Variants in FAM234A observed in about 807,000 individuals in gnomAD.
FAM234A encodes protein FAM234A.
In FAM234A, 42 loss-of-function variants were observed where a neutral mutation model predicts 49.1. The observed-to-expected ratio is 0.86, with a 90% CI of 0.67 to 1.11. The LOEUF (loss-of-function observed/expected upper bound fraction) is 1.11, where lower values mean the gene tolerates loss of function less well. Ranked by LOEUF, FAM234A falls within the 50% of genes least tolerant of loss-of-function variation. The pLI is 0.00. For missense variants in FAM234A, 815 were observed against 745.2 expected (o/e 1.09, Z -1.09); for synonymous variants, 369 against 316.2 (o/e 1.17, Z -1.77).
chr16:252,802 T>A (rs937562802), intron 2 of FAM234A, among the ~76,000 whole-genome samples: 1 of 152,250 alleles, frequency 6.6e-6, no homozygotes, highest in Non-Finnish European at 1.5e-5. Flanking sequence ...CTTATCTCTC[T>A]GTCTTCCTGA....
intron 3 of FAM234A, among the ~76,000 whole-genome samples, chr16:258,452 A>G (rs532872049): frequency 6.6e-6 from 1 of 152,318 alleles, no homozygotes; most frequent in East Asian, 1.9e-4. Flanking sequence ...CACATGTTTC[A>G]GAGAGCACAG....
downstream of FAM234A, chr16:269,729 G>T: frequency 3.2e-6 from 2 of 632,324 alleles, no homozygotes; most frequent in Non-Finnish European, 5.5e-6. Context: ...AGCCGCCTCG[G>T]ACCTGCCCAG....
At chr16:257,411 A>G (rs1567220186) in intron 3 of FAM234A, among the ~76,000 whole-genome samples, 1 of 150,658 alleles carries the variant, frequency 6.6e-6, no homozygotes, top group African/African-American at 2.4e-5. Flanking sequence ...ATGCCTGGCT[A>G]ATGTATGTAT....
chr16:264,535 G>T lies in FAM234A; in HGVS notation c.1345-79G>T, dbSNP rs114452146. ...GGCCCCTAGCAGACATAGAGCTCCA[G>T]GCACGGTCACTCTGACAGCAGTGTC... On this transcript the variant is annotated intron_variant, in intron 11 of 12. Transcript: ENST00000399932. The T allele has an allele frequency of 3.6e-3, 3,544 of 993,800 alleles. 80 individuals are homozygous for T. The African/African-American group carries it at 0.048, about 14-fold the overall frequency. 61.6% of individuals were successfully genotyped at this position (993,800 alleles called of 1,614,324 possible).
intron 5 of FAM234A, 116 bp from the exon 6 acceptor site, chr16:261,268 T>C: frequency 8.2e-7 from 1 of 1,215,498 alleles, no homozygotes; most frequent in Non-Finnish European, 1.2e-6. Context: ...CAGTGAGCCG[T>C]GGGCTCACGA....
chr16:261,348 C>A, intron 5 of FAM234A, 36 bp from the exon 6 acceptor site: 2 of 1,593,060 alleles, frequency 1.3e-6, no homozygotes, highest in South Asian at 1.1e-5. Context: ...GAAGGGGACT[C>A]AGGGCCACGT....
At chr16:247,399 G>T (rs2050850171) in intron 1 of FAM234A, among the ~76,000 whole-genome samples, 1 of 151,676 alleles carries the variant, frequency 6.6e-6, no homozygotes, top group South Asian at 2.1e-4. Flanking sequence ...AAAGTGCTGG[G>T]ATTATAGACA....
At chr16:266,141 C>T (rs2051687477), downstream of FAM234A, 1 of 943,626 alleles carries the variant, frequency 1.1e-6, no homozygotes, top group Non-Finnish European at 1.3e-6. Flanking sequence ...GTCTGCCTGT[C>T]TGTCTGCTCC....
At chr16:235,542 T>C (rs939250578) in intron 1 of FAM234A, among the ~76,000 whole-genome samples, 1 of 152,172 alleles carries the variant, frequency 6.6e-6, no homozygotes, top group Non-Finnish European at 1.5e-5. Context: ...TGATAGGATA[T>C]CAGGGTAGGC....
At chr16:268,960 C>A, downstream of FAM234A, 1 of 1,548,480 alleles carries the variant, frequency 6.5e-7, no homozygotes, top group Non-Finnish European at 8.7e-7. Context: ...GACTGAAGAC[C>A]AGAGAAGGTG....
chr16:243,035 A>G (rs1384527102), intron 1 of FAM234A, among the ~76,000 whole-genome samples: 1 of 149,144 alleles, frequency 6.7e-6, no homozygotes, highest in Non-Finnish European at 1.5e-5. Flanking sequence ...ACTGGAATGT[A>G]GTGATAATGA....
chr16:262,270 C>A, intron 7 of FAM234A, 45 bp downstream of exon 7: 1 of 1,605,820 alleles, frequency 6.2e-7, no homozygotes. Context: ...ACTCGTGGAG[C>A]ATGACTGCCC....
downstream of FAM234A, among the ~76,000 whole-genome samples, chr16:267,478 C>T (rs1171373201): frequency 6.9e-6 from 1 of 145,772 alleles, no homozygotes; most frequent in East Asian, 2.1e-4. Context: ...TACATGTGCA[C>T]ACCTCATACA....
chr16:261,208 G>A (rs781387483), intron 5 of FAM234A, 176 bp from the exon 6 acceptor site: 5 of 662,876 alleles, frequency 7.5e-6, no homozygotes, highest in Admixed American at 2.7e-5. Flanking sequence ...GCTCCTTCAC[G>A]AGCACAGGAG....
rs1439186961 is a variant in FAM234A at position 254,506 on chromosome 16, T to G, written c.93T>G (p.Asn31Lys). 1 of 1,614,186 alleles carries G rather than the reference T, an allele frequency of 6.2e-7. No homozygotes were observed. The highest frequency in any genetic ancestry group is 1.1e-5 in the South Asian group (1 of 91,088). ...SQENLGNPSK[N>K]EDNVKSAPPQ... Reference sequence around the variant, plus strand: ...AAAATCTGGGAAATCCATCAAAAAATGAGGATAACGTGAAAAGCGCGCCTC... The same window carrying G: ...AAAATCTGGGAAATCCATCAAAAAAGGAGGATAACGTGAAAAGCGCGCCTC... The change falls in exon 3 of 13, where the codon AAT becomes AAG. Residue 31 changes from asparagine to lysine, a missense_variant. Asn to Lys is a moderately conservative substitution (Grantham distance 94). Transcript: ENST00000399932.
chr16:241,047 A>AG (rs2050594471), intron 1 of FAM234A, among the ~76,000 whole-genome samples: 1 of 151,822 alleles, frequency 6.6e-6, no homozygotes, highest in South Asian at 2.1e-4. Context: ...AGTCTCTCGC[A>AG]CAGCTGGGAC....
intron 3 of FAM234A, among the ~76,000 whole-genome samples, chr16:256,760 GAGAC>G (rs1231720199): frequency 9.9e-6 from 1 of 100,818 alleles, no homozygotes; most frequent in Non-Finnish European, 2.1e-5. Context: ...TTTTTTTTTT[GAGAC>G]AGAGTTTCGC....
At chr16:244,016 T>G (rs2050706567) in intron 1 of FAM234A, among the ~76,000 whole-genome samples, 1 of 151,958 alleles carries the variant, frequency 6.6e-6, no homozygotes, top group Admixed American at 6.6e-5. Context: ...TCACCCAGGC[T>G]GGAGTGCAGT....
chr16:235,657 CA>C (rs956345278), intron 1 of FAM234A, among the ~76,000 whole-genome samples: 1 of 152,300 alleles, frequency 6.6e-6, no homozygotes, highest in East Asian at 1.9e-4. Flanking sequence ...GCGCCAGCAT[CA>C]GATTACACTA....
Sources: gnomAD v4.1 joint callset for allele counts (sites outside exome capture counted in the v4.1 genomes callset) on GRCh38, gnomAD v4.1.1 for gene constraint, MANE v1.5 for transcripts, NCBI Gene and HGNC (gene_info 2026-07-23, HGNC 2026-07-21) for gene names.